Variants in MARCHF5 observed in about 807,000 individuals in gnomAD.
MARCHF5 encodes the protein E3 ubiquitin-protein ligase MARCHF5.
MARCHF5 carries 5 observed loss-of-function variants against 36.5 expected under a neutral mutation model. The observed-to-expected ratio is 0.14, with a 90% CI of 0.07 to 0.29. The LOEUF is 0.29. Among genes scored for constraint, MARCHF5 ranks in the 10% least tolerant of loss-of-function variants. The pLI, the probability that MARCHF5 is intolerant of heterozygous loss-of-function variation, is 1.00. For missense variants in MARCHF5, 179 were observed against 336.3 expected, an observed-to-expected ratio of 0.53 and a Z score of 3.66; for synonymous variants, 103 against 109.9, an observed-to-expected ratio of 0.94 and a Z score of 0.39.
rs532642346 is a variant in MARCHF5, at chr10:92,349,853, C to T, written c.720+16C>T. The stretch of plus-strand genomic sequence containing the variant: ...GACAATCTTGGTAAGACGGCTTTAA[C>T]ATTACTTATATTACCTTGCAAAAGA... On this transcript the variant is annotated intron_variant, in intron 5 of 5. Transcript: ENST00000358935. 2 of 1,596,094 alleles carry T rather than the reference C, an allele frequency of 1.3e-6. No homozygotes were observed. The highest frequency in any genetic ancestry group is 2.2e-5 in the South Asian group (2 of 89,764).
intron 2 of MARCHF5, among the ~76,000 whole-genome samples, chr10:92,323,397 C>G (rs2135198042): frequency 6.6e-6 from 1 of 152,236 alleles, no homozygotes; most frequent in East Asian, 1.9e-4. Context: ...CATTACCACC[C>G]AGAGTGTCCA....
chr10:92,338,680 G>A (rs6583808), intron 2 of MARCHF5, among the ~76,000 whole-genome samples: 9,821 of 152,164 alleles, frequency 0.065, 1,037 homozygotes, highest in African/African-American at 0.22. Flanking sequence ...GTGACATAGC[G>A]ATATTATTGG....
intron 1 of MARCHF5, among the ~76,000 whole-genome samples, chr10:92,296,239 T>C (rs11186903): frequency 0.34 from 51,120 of 152,036 alleles, 10,793 homozygotes; most frequent in Middle Eastern, 0.52. Flanking sequence ...TATGTAAATT[T>C]ATTATTTGAA....
chr10:92,351,441 A>G lies in MARCHF5; in HGVS notation c.*234A>G. 3.0e-6 allele frequency: 1 copy of G among 332,366 alleles called. No homozygotes were observed. The highest frequency in any genetic ancestry group is 5.4e-6 in the Non-Finnish European group (1 of 184,634). The allele number at this position is 332,366 out of a possible 1,614,324, so 20.6% of individuals were successfully genotyped here. A position where few individuals can be genotyped will look rare whatever the true frequency, so the allele number is the denominator to read the frequency against. ...TACTTTTATGGCAGTCATATGAACCATTATCTTAGCATGGTAAACCTGGGT... is the reference window on the plus strand; with the variant it reads ...TACTTTTATGGCAGTCATATGAACCGTTATCTTAGCATGGTAAACCTGGGT... On this transcript the variant is annotated 3_prime_UTR_variant, in exon 6 of 6. Transcript: ENST00000358935.
chr10:92,342,688 A>G (rs1843593987), intron 3 of MARCHF5, among the ~76,000 whole-genome samples: 1 of 152,340 alleles, frequency 6.6e-6, no homozygotes, highest in Middle Eastern at 3.4e-3. Flanking sequence ...CTTACTCCCC[A>G]GCTTAACATC....
At chr10:92,307,329 A>T (rs985525180) in intron 1 of MARCHF5, among the ~76,000 whole-genome samples, 1 of 152,060 alleles carries the variant, frequency 6.6e-6, no homozygotes, top group Non-Finnish European at 1.5e-5. Context: ...TACATGCTTT[A>T]ATTTCCCCTT....
intron 1 of MARCHF5, among the ~76,000 whole-genome samples, chr10:92,308,141 C>T (rs1054733336): frequency 1.3e-5 from 2 of 151,958 alleles, no homozygotes; most frequent in Admixed American, 6.6e-5. Context: ...CGGAGTTTCA[C>T]CATATTAGCC....
intron 2 of MARCHF5, among the ~76,000 whole-genome samples, chr10:92,315,690 T>G (rs1217078493): frequency 6.6e-6 from 1 of 152,226 alleles, no homozygotes; most frequent in Non-Finnish European, 1.5e-5. Context: ...CATTCTGAGT[T>G]AAATGTATTT....
chr10:92,307,175 CTGTGTGTGTGTG>C (rs376178460), intron 1 of MARCHF5, among the ~76,000 whole-genome samples: 288 of 121,888 alleles, frequency 2.4e-3, no homozygotes, highest in African/African-American at 8.3e-3. Context: ...AAGAAAACAT[CTGTGTGTGTGTG>C]TGTGTGTGTG....
intron 2 of MARCHF5, among the ~76,000 whole-genome samples, chr10:92,330,089 C>A (rs557077780): frequency 2.0e-5 from 3 of 152,170 alleles, no homozygotes; most frequent in Non-Finnish European, 4.4e-5. Flanking sequence ...GTGATTCACC[C>A]GCCTTGGCCT....
chr10:92,349,585 C>G, intron 4 of MARCHF5, 53 bp downstream of exon 4: 1 of 1,595,128 alleles, frequency 6.3e-7, no homozygotes, highest in Non-Finnish European at 8.6e-7. Context: ...TCTTGAAGAA[C>G]AATAACATGC....
chr10:92,323,307 T>C (rs1843313819), intron 2 of MARCHF5, among the ~76,000 whole-genome samples: 1 of 152,090 alleles, frequency 6.6e-6, no homozygotes, highest in Non-Finnish European at 1.5e-5. Flanking sequence ...ACACACAGAG[T>C]GCTGACTACT....
intron 1 of MARCHF5, among the ~76,000 whole-genome samples, chr10:92,304,446 G>T (rs1323285642): frequency 6.6e-6 from 1 of 151,984 alleles, no homozygotes; most frequent in Non-Finnish European, 1.5e-5. Flanking sequence ...GTTTTTGAAA[G>T]AATAAAACAA....
chr10:92,300,348 C>G (rs1465864395), intron 1 of MARCHF5, among the ~76,000 whole-genome samples: 4 of 151,578 alleles, frequency 2.6e-5, no homozygotes, highest in Non-Finnish European at 4.4e-5. Context: ...GAAAAAATAG[C>G]TGGGTGTGGT....
At chr10:92,315,222 G>A (rs774915566) in intron 2 of MARCHF5, among the ~76,000 whole-genome samples, 1 of 152,152 alleles carries the variant, frequency 6.6e-6, no homozygotes, top group African/African-American at 2.4e-5. Flanking sequence ...TACTCTGTAC[G>A]CTAGTGGCTT....
chr10:92,314,099 C>G (rs998855095), intron 2 of MARCHF5, among the ~76,000 whole-genome samples: 1 of 152,134 alleles, frequency 6.6e-6, no homozygotes, highest in Admixed American at 6.5e-5. Flanking sequence ...TAAGTCCTAG[C>G]TACTCGGGAG....
At chr10:92,314,554 A>G (rs1262985445) in intron 2 of MARCHF5, among the ~76,000 whole-genome samples, 2 of 152,048 alleles carry the variant, frequency 1.3e-5, no homozygotes, top group East Asian at 1.9e-4. Flanking sequence ...AGGTAGGACA[A>G]TCACGTGAAC....
At chr10:92,292,571 G>A (rs1842894458) in intron 1 of MARCHF5, among the ~76,000 whole-genome samples, 1 of 152,094 alleles carries the variant, frequency 6.6e-6, no homozygotes, top group African/African-American at 2.4e-5. Context: ...TGACCCAAGG[G>A]TACACATCCT....
intron 1 of MARCHF5, among the ~76,000 whole-genome samples, chr10:92,309,750 A>G (rs928067823): frequency 1.3e-5 from 2 of 152,322 alleles, no homozygotes. Flanking sequence ...AACAGTATGA[A>G]TATACTTACT....
Sources: allele counts gnomAD v4.1 joint callset (sites outside exome capture counted in the v4.1 genomes callset), GRCh38; gene constraint gnomAD v4.1.1; transcripts MANE v1.5; gene names NCBI Gene and HGNC (gene_info 2026-07-23, HGNC 2026-07-21).